The following PDE4B variants were observed in gnomAD, a reference collection of about 807,000 sequenced individuals.
PDE4B encodes the protein phosphodiesterase 4B, also known as 3',5'-cyclic-AMP phosphodiesterase 4B.
PDE4B carries 20 observed loss-of-function variants against 82.2 expected under a neutral mutation model. The ratio of observed to expected loss-of-function variants is 0.24; its 90% CI spans 0.17 to 0.35. PDE4B has a LOEUF of 0.35. PDE4B is among the 10% of genes least tolerant of loss of function. The pLI, the probability that PDE4B is intolerant of heterozygous loss-of-function variation, is 1.00. For synonymous variants in PDE4B, 320 were observed against 318.9 expected, an observed-to-expected ratio of 1.00 and a Z score of -0.04; for missense variants, 655 against 907.2, an observed-to-expected ratio of 0.72 and a Z score of 3.57.
intron 3 of PDE4B, among the ~76,000 whole-genome samples, chr1:65,924,475 A>T (rs1387803585): frequency 6.6e-6 from 1 of 151,944 alleles, no homozygotes; most frequent in Non-Finnish European, 1.5e-5. Flanking sequence ...GTATTCATGT[A>T]TTTAAAAATA....
intron 3 of PDE4B, among the ~76,000 whole-genome samples, chr1:66,081,445 G>T (rs1323670655): frequency 6.6e-6 from 1 of 152,046 alleles, no homozygotes; most frequent in Admixed American, 6.6e-5. Flanking sequence ...CCTTATAAAA[G>T]AAATTTAGTG....
At chr1:66,099,536 C>T (rs1645180868) in intron 3 of PDE4B, among the ~76,000 whole-genome samples, 2 of 151,908 alleles carry the variant, frequency 1.3e-5, no homozygotes. Flanking sequence ...TTCTTTATGT[C>T]ATTTTGATTT....
At chr1:66,094,665 T>G (rs1645082326) in intron 3 of PDE4B, 1 of 151,998 alleles carries the variant, frequency 6.6e-6, no homozygotes, top group Admixed American at 6.6e-5. Flanking sequence ...GATGGTTCTC[T>G]GTTGTTTGCA....
At chr1:66,116,549 G>A (rs1384873026) in intron 3 of PDE4B, among the ~76,000 whole-genome samples, 1 of 152,062 alleles carries the variant, frequency 6.6e-6, no homozygotes, top group Non-Finnish European at 1.5e-5. Flanking sequence ...ACATCCGGAG[G>A]TCAGTATAAA....
chr1:66,098,115 A>G (rs182184141), intron 3 of PDE4B, among the ~76,000 whole-genome samples: 1 of 152,236 alleles, frequency 6.6e-6, no homozygotes, highest in Non-Finnish European at 1.5e-5. Flanking sequence ...ACAGTTGTTC[A>G]GAGTCAGGTT....
At chr1:66,168,630 G>T (rs1646781280) in intron 3 of PDE4B, among the ~76,000 whole-genome samples, 1 of 152,162 alleles carries the variant, frequency 6.6e-6, no homozygotes, top group Non-Finnish European at 1.5e-5. Flanking sequence ...GGAGACCGTT[G>T]TAAGAACTTT....
chr1:66,159,942 AT>A (rs988719846), intron 3 of PDE4B, among the ~76,000 whole-genome samples: 43 of 152,270 alleles, frequency 2.8e-4, no homozygotes, highest in Admixed American at 6.5e-4. Context: ...AGTTTTGTCA[AT>A]CTGGAATAGC....
intron 4 of PDE4B, among the ~76,000 whole-genome samples, chr1:66,252,725 C>G (rs116099453): frequency 6.6e-6 from 1 of 152,024 alleles, no homozygotes; most frequent in Non-Finnish European, 1.5e-5. Context: ...GTGGGTGGAT[C>G]GCTTGAGTTT....
chr1:66,081,793 G>C (rs1488096838), intron 3 of PDE4B, among the ~76,000 whole-genome samples: 1 of 149,452 alleles, frequency 6.7e-6, no homozygotes, highest in African/African-American at 2.5e-5. Context: ...TTCTACACGG[G>C]AGTGAAAAGT....
At chr1:66,125,869 T>G (rs1457394411) in intron 3 of PDE4B, among the ~76,000 whole-genome samples, 1 of 152,172 alleles carries the variant, frequency 6.6e-6, no homozygotes, top group Non-Finnish European at 1.5e-5. Context: ...TGCAATGGCG[T>G]GTTCTCGACT....
At chr1:66,283,730 C>A (rs1276477627) in intron 7 of PDE4B, among the ~76,000 whole-genome samples, 2 of 151,994 alleles carry the variant, frequency 1.3e-5, no homozygotes, top group African/African-American at 4.8e-5. Flanking sequence ...ATCATATGAG[C>A]CATCCTGGAG....
At chr1:65,826,006 G>A (rs941462881) in intron 1 of PDE4B, among the ~76,000 whole-genome samples, 2 of 152,046 alleles carry the variant, frequency 1.3e-5, no homozygotes, top group Non-Finnish European at 2.9e-5. Flanking sequence ...AAGATATTCT[G>A]TATTCAACGA....
rs1318938276 is a variant in PDE4B, at chr1:66,363,420, T to C, written c.1133T>C (p.Leu378Pro). The change falls in exon 12 of 17, where the codon CTA becomes CCA. Residue 378 changes from leucine (L) to proline (P), a missense_variant. This residue lies in a region of PDE4B where 283 missense variants were observed against 516.4 expected (regional missense o/e 0.55). Transcript: ENST00000341517. ...MYAIFQERDL[L>P]KTFRISSDTF... ...TTTACAACACAGGAAAGAGACCTCCTAAAGACATTCAGAATCTCATCTGAC... is the reference window on the plus strand; with the variant it reads ...TTTACAACACAGGAAAGAGACCTCCCAAAGACATTCAGAATCTCATCTGAC... 1 of 1,612,910 alleles carries C rather than the reference T, an allele frequency of 6.2e-7. No homozygotes were observed. The highest frequency in any genetic ancestry group is 2.2e-5 in the East Asian group (1 of 44,870).
chr1:66,366,349 C>G (rs1400171641), intron 13 of PDE4B, among the ~76,000 whole-genome samples: 3 of 152,028 alleles, frequency 2.0e-5, no homozygotes, highest in South Asian at 4.1e-4. Flanking sequence ...GTGGTCTAGC[C>G]TTAGGATTCC....
chr1:66,087,284 C>A (rs923276292), intron 3 of PDE4B, among the ~76,000 whole-genome samples: 11 of 152,096 alleles, frequency 7.2e-5, no homozygotes, highest in Non-Finnish European at 1.6e-4. Flanking sequence ...AGACTAGTGG[C>A]AGGGAAGTCA....
intron 7 of PDE4B, among the ~76,000 whole-genome samples, chr1:66,281,020 T>C (rs1054832231): frequency 9.9e-5 from 15 of 152,170 alleles, no homozygotes; most frequent in Non-Finnish European, 1.2e-4. Flanking sequence ...GCACAGATAG[T>C]TCACAGGCCT....
chr1:66,189,568 T>C (rs1647549954), intron 3 of PDE4B, among the ~76,000 whole-genome samples: 1 of 152,232 alleles, frequency 6.6e-6, no homozygotes, highest in African/African-American at 2.4e-5. Flanking sequence ...CTCTTCTCGC[T>C]TCATTTCATT....
At chr1:66,321,360 T>C (rs1659391397) in intron 7 of PDE4B, among the ~76,000 whole-genome samples, 2 of 152,192 alleles carry the variant, frequency 1.3e-5, no homozygotes, top group South Asian at 4.1e-4. Context: ...TCAAATCCAT[T>C]TACCTCTCTT....
intron 3 of PDE4B, among the ~76,000 whole-genome samples, chr1:66,019,215 A>T (rs1652948764): frequency 6.6e-6 from 1 of 152,184 alleles, no homozygotes; most frequent in African/African-American, 2.4e-5. Flanking sequence ...CAAATAATCA[A>T]TTAAGGAACT....
Sources: allele counts gnomAD v4.1 joint callset (sites outside exome capture counted in the v4.1 genomes callset), GRCh38; gene constraint gnomAD v4.1.1; regional missense constraint gnomAD v4.1.1; transcripts MANE v1.5; gene names NCBI Gene and HGNC (gene_info 2026-07-23, HGNC 2026-07-21).